DNM1L: variants seen among roughly 807,000 people sequenced by gnomAD.
DNM1L encodes dynamin 1L.
A neutral mutation model predicts 92.8 loss-of-function variants in DNM1L; 33 were observed. The ratio of observed to expected loss-of-function variants is 0.36; its 90% confidence interval spans 0.27 to 0.48. The LOEUF (loss-of-function observed/expected upper bound fraction) is 0.48. DNM1L is among the 20% of genes least tolerant of loss of function. The probability of loss-of-function intolerance (pLI) is 0.99; values close to 1 mark genes in which losing one functional copy is unlikely to be tolerated. For missense variants in DNM1L, 485 were observed against 888.8 expected (o/e 0.55, Z 5.78); for synonymous variants, 284 against 305.0 (o/e 0.93, Z 0.72).
At chr12:32,724,367 A>G (rs1363591010) in intron 9 of DNM1L, among the ~76,000 whole-genome samples, 2 of 151,648 alleles carry the variant, frequency 1.3e-5, no homozygotes, top group Non-Finnish European at 2.9e-5. Context: ...TACGAGGTCG[A>G]GAGATCAAGA....
intron 1 of DNM1L, among the ~76,000 whole-genome samples, chr12:32,700,187 T>A (rs1184864035): frequency 6.6e-6 from 1 of 152,076 alleles, no homozygotes; most frequent in Non-Finnish European, 1.5e-5. Flanking sequence ...TGGTGTGACC[T>A]CGGCTTACTG....
chr12:32,717,449 C>G (rs186809734), intron 6 of DNM1L, among the ~76,000 whole-genome samples: 35 of 50,882 alleles, frequency 6.9e-4, no homozygotes, highest in East Asian at 3.2e-3. Flanking sequence ...TAAATATATA[C>G]TATATATATT....
At position 32,731,475 on chromosome 12, in the gene DNM1L, A is replaced by G. The variant is rs750169770; in HGVS notation, c.1320A>G (p.Gln440=). The G allele has an allele frequency of 5.6e-6, 9 of 1,614,194 alleles. No individual in the cohort carries two copies. The highest frequency in any genetic ancestry group is 7.6e-6 in the Non-Finnish European group (9 of 1,180,028). Residue 440 remains glutamine (Q), a synonymous_variant, in exon 11 of 20, where the codon CAA becomes CAG. Coordinates refer to ENST00000549701, the MANE Select transcript of DNM1L (RefSeq NM_012062.5). The surrounding 1 kb of genome is among the most constrained non-coding windows in gnomAD (Gnocchi z 5.1). ...TGGAACTGGTTCATGAGGAAATGCA[A>G]AGGATCATTCAGCACTGTAGCAATT... ...RCVELVHEEM[Q]RIIQHCSNYS... is the part of the protein sequence containing the mutation.
intron 1 of DNM1L, chr12:32,679,677 C>A (rs996170934): frequency 1.3e-4 from 167 of 1,264,690 alleles, no homozygotes; most frequent in Middle Eastern, 6.1e-4. Context: ...GAATCCGGGG[C>A]CCGGCCAGGG....
Position 32,722,485 on chromosome 12 carries a change from C to A in DNM1L, c.931C>A (p.Leu311Ile). The change falls in exon 9 of 20, where the codon CTA becomes ATA. Residue 311 changes from leucine to isoleucine, a missense_variant. Physicochemically the swap from Leu to Ile is conservative, Grantham distance 5. Coordinates refer to ENST00000549701, the MANE Select transcript of DNM1L (RefSeq NM_012062.5). ...AGAGTTGAAAACAAGAATAAATGTT[C>A]TAGCTGCTCAGTATCAGTCTCTTCT... Reference protein sequence around the residue: ...LPELKTRINVLAAQYQSLLNS... With the variant: ...LPELKTRINVIAAQYQSLLNS... The A allele has an allele frequency of 3.1e-6, 5 of 1,613,278 alleles. No individual in the cohort carries two copies. Among genetic ancestry groups the A allele is most frequent in the Non-Finnish European group, 3.4e-6 (4 of 1,179,972 alleles).
chr12:32,690,468 G>A (rs914829013), intron 1 of DNM1L, among the ~76,000 whole-genome samples: 3 of 152,060 alleles, frequency 2.0e-5, no homozygotes, highest in African/African-American at 7.2e-5. Context: ...GCCTTCCCTG[G>A]TTGCCAGTTA....
chr12:32,730,891 A>G, intron 9 of DNM1L, 123 bp from the exon 10 acceptor site: 1 of 1,409,064 alleles, frequency 7.1e-7, no homozygotes, highest in Non-Finnish European at 9.9e-7. Flanking sequence ...GGAATGAATG[A>G]AATTGTTTAT....
At chr12:32,698,358 T>C (rs1000958181) in intron 1 of DNM1L, among the ~76,000 whole-genome samples, 1 of 152,150 alleles carries the variant, frequency 6.6e-6, no homozygotes, top group African/African-American at 2.4e-5. Context: ...ATCTCATACA[T>C]TCTGTATGTA....
chr12:32,724,587 A>ATATAT (rs1555123371), intron 9 of DNM1L, among the ~76,000 whole-genome samples: 63 of 71,962 alleles, frequency 8.8e-4, no homozygotes, highest in Non-Finnish European at 2.1e-3. Context: ...AAAAAAAAAA[A>ATATAT]AAAAAAATAT....
At position 32,745,537 on chromosome 12, in the gene DNM1L, A is replaced by ATT. The variant is rs1307080261; in HGVS notation, c.*2128_*2129insTT. 2.0e-5 allele frequency: 3 copies of ATT among 152,332 alleles called. No individual in the cohort carries two copies. The highest frequency in any genetic ancestry group is 7.2e-5 in the African/African-American group (3 of 41,462). The allele number at this position is 152,332 out of a possible 1,614,324, so 9.4% of individuals were successfully genotyped here. A position where few individuals can be genotyped will look rare whatever the true frequency, so the allele number is the denominator to read the frequency against. On this transcript the variant is annotated 3_prime_UTR_variant, in exon 20 of 20. Coordinates refer to ENST00000549701, the MANE Select transcript of DNM1L (RefSeq NM_012062.5). ...TTATTGTGTAAATAAAATTGCTGGT[A>ATT]TGAAATGACACTAAAGTTTGTCAAA... is the stretch of plus-strand genomic sequence containing the variant.
chr12:32,743,508 G>A lies in DNM1L; in HGVS notation c.*98G>A. The A allele has an allele frequency of 1.7e-6, 2 of 1,160,440 alleles. No homozygotes were observed. Among genetic ancestry groups the A allele is most frequent in the South Asian group, 1.3e-5 (1 of 78,824 alleles). The allele number at this position is 1,160,440 out of a possible 1,614,324, so 71.9% of individuals were successfully genotyped here. ...TTTATGAACTCCTGTGTATTGCAATGGTATGAATCTGCTCATGTGGAGACT... is the reference window on the plus strand; with the variant it reads ...TTTATGAACTCCTGTGTATTGCAATAGTATGAATCTGCTCATGTGGAGACT... On this transcript the variant is annotated 3_prime_UTR_variant, in exon 20 of 20. Coordinates refer to ENST00000549701, the MANE Select transcript of DNM1L (RefSeq NM_012062.5).
intron 6 of DNM1L, among the ~76,000 whole-genome samples, chr12:32,716,315 C>T (rs1382226083): frequency 2.0e-5 from 3 of 151,676 alleles, no homozygotes; most frequent in Non-Finnish European, 4.4e-5. Context: ...TAGAACTGTA[C>T]ACCAAAAAAG....
chr12:32,719,252 T>A (rs1269452944), intron 7 of DNM1L, among the ~76,000 whole-genome samples: 1 of 152,216 alleles, frequency 6.6e-6, no homozygotes, highest in Non-Finnish European at 1.5e-5. Flanking sequence ...GCCTGCCCCA[T>A]AGACATTTTT....
At position 32,737,955 on chromosome 12, in the gene DNM1L, T is replaced by A. The variant is rs2137570081; in HGVS notation, c.1674+13T>A. The A allele has an allele frequency of 1.2e-6, 2 of 1,613,298 alleles. No homozygotes were observed. The highest frequency in any genetic ancestry group is 1.7e-4 in the Middle Eastern group (1 of 6,052). On this transcript the variant is annotated intron_variant, in intron 15 of 19. Coordinates refer to ENST00000549701, the MANE Select transcript of DNM1L (RefSeq NM_012062.5). ...GGCTGATGGCAAGGTCTGTTCTGAT[T>A]CTTAATCTAAGCCTGCATGCCTTGT...
Position 32,740,153 on chromosome 12 carries a change from A to G in DNM1L, c.1797A>G (p.Glu599=), listed in dbSNP as rs1371632374. ...GAATGCTGAAAACTTCAAAAGCTGA[A>G]GAGTTATTAGCAGAAGAAAAATCAA... ...WRGMLKTSKA[E]ELLAEEKSKP... is the part of the protein sequence containing the mutation. The change falls in exon 17 of 20, where the codon GAA becomes GAG. Residue 599 remains glutamate, a synonymous_variant. Transcript: ENST00000549701. 4 of 1,614,170 alleles carry G rather than the reference A, an allele frequency of 2.5e-6. No individual in the cohort carries two copies. The Admixed American group carries it at 5.0e-5, about 20-fold the overall frequency.
At chr12:32,718,384 C>T (rs527538868) in intron 6 of DNM1L, among the ~76,000 whole-genome samples, 13 of 151,804 alleles carry the variant, frequency 8.6e-5, no homozygotes, top group African/African-American at 2.4e-4. Flanking sequence ...TCAGGTGATC[C>T]ACCCGCCTTG....
At chr12:32,737,792 T>G in intron 14 of DNM1L, 73 bp from the exon 15 acceptor site, 1 of 1,132,422 alleles carries the variant, frequency 8.8e-7, no homozygotes, top group Non-Finnish European at 1.3e-6. Flanking sequence ...AGGGAAAAAT[T>G]CATTTATAGA....
intron 1 of DNM1L, among the ~76,000 whole-genome samples, chr12:32,693,110 C>G (rs1260298004): frequency 6.6e-6 from 1 of 152,164 alleles, no homozygotes; most frequent in Non-Finnish European, 1.5e-5. Flanking sequence ...ATTGCTATTG[C>G]TTCTCAGGAT....
intron 6 of DNM1L, among the ~76,000 whole-genome samples, chr12:32,714,413 C>T (rs1305346755): frequency 6.6e-6 from 1 of 151,274 alleles, no homozygotes; most frequent in African/African-American, 2.4e-5. Flanking sequence ...GCTGGGACTA[C>T]AGGCGCCTGC....
Sources: gnomAD v4.1 joint callset for allele counts (sites outside exome capture counted in the v4.1 genomes callset) on GRCh38, gnomAD v4.1.1 for gene constraint, Gnocchi (gnomAD v3.1) non-coding constraint, MANE v1.5 for transcripts, NCBI Gene and HGNC (gene_info 2026-07-23, HGNC 2026-07-21) for gene names.